Variants in TCF12 observed in about 807,000 individuals in gnomAD.
The protein encoded by TCF12 is DNA-binding protein HTF4.
TCF12 carries 45 observed loss-of-function variants against 86.0 expected under a neutral mutation model. That is an observed-to-expected ratio of 0.52 (90% CI 0.41 to 0.67). TCF12 has a LOEUF of 0.67. TCF12 is among the 30% of genes least tolerant of loss of function. The pLI, the probability that TCF12 is intolerant of heterozygous loss-of-function variation, is 0.00. For synonymous variants in TCF12, 330 were observed against 299.6 expected (o/e 1.10, Z -1.05); for missense variants, 881 against 859.9 (o/e 1.02, Z -0.31).
chr15:57,088,464 C>A (rs192374190), intron 4 of TCF12, among the ~76,000 whole-genome samples: 40 of 151,102 alleles, frequency 2.6e-4, no homozygotes, highest in Admixed American at 1.5e-3. Flanking sequence ...TACATACATA[C>A]ATAAAAATAT....
chr15:57,179,445 G>C (rs1469624561), intron 6 of TCF12, among the ~76,000 whole-genome samples: 1 of 152,188 alleles, frequency 6.6e-6, no homozygotes, highest in Non-Finnish European at 1.5e-5. Flanking sequence ...CAGGAGAATT[G>C]CTTGAGCCTG....
At chr15:57,056,116 G>GGTGGGTGTGT (rs1555492325) in intron 3 of TCF12, among the ~76,000 whole-genome samples, 43 of 143,238 alleles carry the variant, frequency 3.0e-4, no homozygotes, top group African/African-American at 1.0e-3. Context: ...TAGTTTTAGG[G>GGTGGGTGTGT]GTGTGTGTGT....
intron 4 of TCF12, among the ~76,000 whole-genome samples, chr15:57,068,472 A>G (rs900017285): frequency 6.6e-6 from 1 of 152,226 alleles, no homozygotes; most frequent in Non-Finnish European, 1.5e-5. Context: ...TTTTAAATGT[A>G]TGAAGGACAT....
intron 5 of TCF12, among the ~76,000 whole-genome samples, chr15:57,128,390 A>C (rs114729206): frequency 0.011 from 1,655 of 152,280 alleles, 26 homozygotes; most frequent in African/African-American, 0.034. Flanking sequence ...GCACCACGCA[A>C]AGTGCTTTTG....
intron 5 of TCF12, among the ~76,000 whole-genome samples, chr15:57,133,318 G>A (rs1010489830): frequency 6.6e-6 from 1 of 152,194 alleles, no homozygotes; most frequent in Non-Finnish European, 1.5e-5. Flanking sequence ...TGCCTCACTC[G>A]AAACAACCCT....
At chr15:56,958,137 T>C (rs2061577332) in intron 3 of TCF12, among the ~76,000 whole-genome samples, 1 of 152,194 alleles carries the variant, frequency 6.6e-6, no homozygotes, top group Non-Finnish European at 1.5e-5. Flanking sequence ...GTTGAACTTT[T>C]TGCAGGAGTT....
chr15:57,044,906 T>C (rs1261314020), intron 3 of TCF12, among the ~76,000 whole-genome samples: 8 of 152,208 alleles, frequency 5.3e-5, no homozygotes, highest in Non-Finnish European at 1.0e-4. Context: ...TTTGTGGTAC[T>C]GATGAACCTA....
chr15:57,180,313 C>G (rs1325489898), intron 6 of TCF12, among the ~76,000 whole-genome samples: 1 of 152,024 alleles, frequency 6.6e-6, no homozygotes, highest in Non-Finnish European at 1.5e-5. Flanking sequence ...ATCTCTGAAA[C>G]TTCAAATGGA....
intron 3 of TCF12, among the ~76,000 whole-genome samples, chr15:57,005,581 A>G (rs1820994): frequency 0.61 from 93,032 of 151,980 alleles, 31,547 homozygotes; most frequent in Non-Finnish European, 0.77. Flanking sequence ...TTTTGTTTTT[A>G]TTTGTAGACA....
intron 5 of TCF12, among the ~76,000 whole-genome samples, chr15:57,135,507 A>AC (rs1437714167): frequency 6.6e-6 from 1 of 152,182 alleles, no homozygotes. Context: ...GTCTGTATCA[A>AC]CCTTAAAGGT....
chr15:57,186,896 C>T lies in TCF12; in HGVS notation c.391-5262C>T, dbSNP rs115237391. ...GTCTCAATTGATGCCAAAAAAGAAT[C>T]TCAGCTGAACATGGTGGCTCACACC... On this transcript the variant is annotated intron_variant, in intron 6 of 20. Transcript: ENST00000333725. Among the ~76,000 whole-genome samples the T allele has an allele frequency of 3.2e-3, 482 of 152,188 alleles. 3 individuals are homozygous for T. Among genetic ancestry groups the T allele is most frequent in the African/African-American group, 0.011 (463 of 41,550 alleles).
intron 5 of TCF12, among the ~76,000 whole-genome samples, chr15:57,114,267 T>C (rs2050692123): frequency 6.6e-6 from 1 of 152,168 alleles, no homozygotes; most frequent in Non-Finnish European, 1.5e-5. Context: ...TTTCAGCCAG[T>C]AGAAGAAACT....
chr15:57,153,614 G>C (rs1209641633), intron 5 of TCF12, among the ~76,000 whole-genome samples: 3 of 152,220 alleles, frequency 2.0e-5, no homozygotes, highest in African/African-American at 7.2e-5. Context: ...TAAAAGATGG[G>C]AGGAAGGATT....
At chr15:56,932,171 G>A (rs2060275100) in intron 3 of TCF12, among the ~76,000 whole-genome samples, 1 of 152,152 alleles carries the variant, frequency 6.6e-6, no homozygotes, top group Non-Finnish European at 1.5e-5. Flanking sequence ...AGAAGGGGAG[G>A]AATCTTATTG....
In TCF12 at chr15:57,249,765, A is replaced by G. The variant is rs113412700; in HGVS notation, c.1115-1585A>G. On this transcript the variant is annotated intron_variant, in intron 13 of 20. Transcript: ENST00000333725. The stretch of plus-strand genomic sequence containing the variant: ...GAGACAAATTAAACCTTCAACTTCC[A>G]ACTTCGATTTCTAATATAATTCAAA... Among the ~76,000 whole-genome samples the G allele has an allele frequency of 7.9e-5, 12 of 152,328 alleles. 1 individual carries two copies. The highest frequency in any genetic ancestry group is 2.9e-4 in the African/African-American group (12 of 41,598).
chr15:57,075,926 C>A (rs371854004), intron 4 of TCF12, among the ~76,000 whole-genome samples: 2 of 149,410 alleles, frequency 1.3e-5, no homozygotes, highest in East Asian at 4.0e-4. Flanking sequence ...TACAGTGACA[C>A]GATCGTGGCC....
chr15:57,007,830 TTC>T (rs2064525250), intron 3 of TCF12, among the ~76,000 whole-genome samples: 3 of 143,698 alleles, frequency 2.1e-5, no homozygotes, highest in Admixed American at 7.0e-5. Flanking sequence ...TTTTCTTTCT[TTC>T]TTTCTTTCTC....
At chr15:57,223,538 A>G (rs2058700119) in intron 8 of TCF12, among the ~76,000 whole-genome samples, 1 of 151,670 alleles carries the variant, frequency 6.6e-6, no homozygotes, top group Non-Finnish European at 1.5e-5. Context: ...TTAAGAATTT[A>G]AAATTAAAAC....
At chr15:56,972,362 A>G (rs757557477) in intron 3 of TCF12, among the ~76,000 whole-genome samples, 14 of 152,228 alleles carry the variant, frequency 9.2e-5, no homozygotes, top group Non-Finnish European at 1.6e-4. Context: ...AAATACAGTT[A>G]TATCTAGGAG....
Sources: gnomAD v4.1 joint callset for allele counts (sites outside exome capture counted in the v4.1 genomes callset) on GRCh38, gnomAD v4.1.1 for gene constraint, MANE v1.5 for transcripts, NCBI Gene and HGNC (gene_info 2026-07-23, HGNC 2026-07-21) for gene names.